TMEM161B: variants seen among roughly 807,000 people sequenced by gnomAD.
TMEM161B encodes transmembrane protein 161B.
TMEM161B carries 34 observed loss-of-function variants against 61.8 expected under a neutral mutation model. The observed-to-expected ratio is 0.55, with a 90% CI of 0.42 to 0.73. TMEM161B has a LOEUF of 0.73. TMEM161B is among the 30% of genes least tolerant of loss of function. TMEM161B has a pLI of 0.00. For missense variants in TMEM161B, 456 were observed against 558.5 expected (o/e 0.82, Z 1.85); for synonymous variants, 167 against 192.8 (o/e 0.87, Z 1.11).
At chr5:88,241,872 C>T (rs1412963658) in intron 1 of TMEM161B, among the ~76,000 whole-genome samples, 1 of 151,772 alleles carries the variant, frequency 6.6e-6, no homozygotes, top group Non-Finnish European at 1.5e-5. Flanking sequence ...AACCCTCTCA[C>T]TTCCCACCAA....
At position 88,207,290 on chromosome 5, in the gene TMEM161B, A is replaced by G. The variant is rs116468438; in HGVS notation, c.447-110T>C. On this transcript the variant is annotated intron_variant, in intron 5 of 11. Transcript: ENST00000296595. ...AATTTGACTACAACATTTATTTCCA[A>G]GTGGAGTTTAAAACACTTTTAAATT... 1,389 of 1,075,798 alleles carry G rather than the reference A, an allele frequency of 1.3e-3. 21 individuals are homozygous for G. In the African/African-American group the frequency reaches 0.021, roughly 16 times the overall value. The allele number at this position is 1,075,798 out of a possible 1,614,324, so 66.6% of individuals were successfully genotyped here.
intron 1 of TMEM161B, among the ~76,000 whole-genome samples, chr5:88,253,649 T>A (rs1754625829): frequency 1.3e-5 from 2 of 152,118 alleles, no homozygotes; most frequent in Non-Finnish European, 2.9e-5. Context: ...AGCCTGGAAG[T>A]AACCAAATCA....
At chr5:88,214,911 G>T (rs1014917640) in intron 5 of TMEM161B, among the ~76,000 whole-genome samples, 6 of 152,206 alleles carry the variant, frequency 3.9e-5, no homozygotes, top group African/African-American at 1.2e-4. Flanking sequence ...GACAAGAGAA[G>T]ACTCAGTTCT....
downstream of TMEM161B, chr5:88,190,370 T>G: frequency 1.5e-6 from 1 of 657,104 alleles, no homozygotes; most frequent in Non-Finnish European, 2.8e-6. Context: ...CCTAGATGGG[T>G]GGTTTCATGC....
At chr5:88,185,832 CA>C (rs1220046773), downstream of TMEM161B, among the ~76,000 whole-genome samples, 1 of 152,140 alleles carries the variant, frequency 6.6e-6, no homozygotes, top group African/African-American at 2.4e-5. Context: ...AACAGAGCAA[CA>C]ATGAGTTGTG....
intron 5 of TMEM161B, among the ~76,000 whole-genome samples, chr5:88,208,984 T>G (rs1746148952): frequency 6.6e-6 from 1 of 152,230 alleles, no homozygotes; most frequent in Non-Finnish European, 1.5e-5. Context: ...TACAACATAT[T>G]TAATAATTTT....
intron 5 of TMEM161B, among the ~76,000 whole-genome samples, chr5:88,216,251 A>G (rs530218008): frequency 6.6e-6 from 1 of 152,176 alleles, no homozygotes; most frequent in Non-Finnish European, 1.5e-5. Context: ...GTCTCTGGGG[A>G]AAAAAAAGAA....
At chr5:88,199,235 A>C in intron 9 of TMEM161B, 85 bp from the exon 10 acceptor site, 1 of 1,346,762 alleles carries the variant, frequency 7.4e-7, no homozygotes, top group South Asian at 1.5e-5. Flanking sequence ...ACCATATAAG[A>C]TATAAGAAGT....
chr5:88,253,918 G>C (rs1193337558), intron 1 of TMEM161B, among the ~76,000 whole-genome samples: 3 of 151,724 alleles, frequency 2.0e-5, no homozygotes, highest in Non-Finnish European at 4.4e-5. Context: ...ATTATGTAAA[G>C]ATAAAATGGA....
intron 1 of TMEM161B, among the ~76,000 whole-genome samples, chr5:88,256,167 G>A (rs1754961072): frequency 6.6e-6 from 1 of 152,096 alleles, no homozygotes; most frequent in Admixed American, 6.6e-5. Context: ...CAAATTAACA[G>A]TTGTTTATTT....
chr5:88,212,181 T>C (rs567672858), intron 5 of TMEM161B, among the ~76,000 whole-genome samples: 37 of 152,302 alleles, frequency 2.4e-4, no homozygotes, highest in African/African-American at 8.9e-4. Flanking sequence ...AAGAAAAATA[T>C]GGATAACCTA....
intron 3 of TMEM161B, among the ~76,000 whole-genome samples, 179 bp from the exon 4 acceptor site, chr5:88,226,045 T>G (rs1750001654): frequency 6.6e-6 from 1 of 152,200 alleles, no homozygotes; most frequent in African/African-American, 2.4e-5. Flanking sequence ...TACTATAAAA[T>G]CTGAATGTAA....
At chr5:88,233,047 G>A (rs1025719297) in intron 2 of TMEM161B, among the ~76,000 whole-genome samples, 2 of 151,972 alleles carry the variant, frequency 1.3e-5, no homozygotes, top group African/African-American at 4.8e-5. Context: ...ATACTTTTAG[G>A]GTCACTTCTA....
intron 8 of TMEM161B, among the ~76,000 whole-genome samples, chr5:88,203,704 AT>A (rs1212311517): frequency 2.2e-5 from 3 of 134,880 alleles, no homozygotes; most frequent in African/African-American, 8.4e-5. Context: ...CCACATTTTA[AT>A]TTCTTTTTGA....
chr5:88,225,735 G>T (rs758148251), intron 4 of TMEM161B, 34 bp downstream of exon 4: 5 of 1,390,628 alleles, frequency 3.6e-6, no homozygotes, highest in East Asian at 4.6e-5. Flanking sequence ...ATAAAACTGA[G>T]ATTTATAGAA....
intron 1 of TMEM161B, among the ~76,000 whole-genome samples, chr5:88,252,685 G>A (rs571639836): frequency 5.3e-5 from 8 of 152,118 alleles, no homozygotes; most frequent in African/African-American, 1.2e-4. Context: ...AGAAACTCAC[G>A]AAGAAGGCTG....
Position 88,246,305 on chromosome 5 carries a change from C to T in TMEM161B, c.4-5389G>A, listed in dbSNP as rs188354995. 3.0e-4 allele frequency among the ~76,000 whole-genome samples: 45 copies of T among 151,354 alleles called. 1 individual carries two copies. The highest frequency in any genetic ancestry group is 7.5e-4 in the African/African-American group (31 of 41,374). On this transcript the variant is annotated intron_variant, in intron 1 of 11. Coordinates refer to ENST00000296595, the MANE Select transcript of TMEM161B (RefSeq NM_153354.5). ...CTGAAAAAAAAAAGTAACTTTTATACCAATACAGGAATCTAATCTACATAA... is the reference window on the plus strand; with the variant it reads ...CTGAAAAAAAAAAGTAACTTTTATATCAATACAGGAATCTAATCTACATAA...
downstream of TMEM161B, among the ~76,000 whole-genome samples, chr5:88,186,798 G>A (rs1157912206): frequency 2.0e-5 from 3 of 151,988 alleles, no homozygotes; most frequent in African/African-American, 7.3e-5. Context: ...CTGTACTCAG[G>A]AGGCTAAGGC....
chr5:88,257,183 C>G (rs554988159), intron 1 of TMEM161B, among the ~76,000 whole-genome samples: 5 of 152,158 alleles, frequency 3.3e-5, no homozygotes, highest in Admixed American at 3.3e-4. Context: ...GCACGAGAAT[C>G]GCAAGACTGG....
Sources: gnomAD v4.1 joint callset for allele counts (sites outside exome capture counted in the v4.1 genomes callset) on GRCh38, gnomAD v4.1.1 for gene constraint, MANE v1.5 for transcripts, NCBI Gene and HGNC (gene_info 2026-07-23, HGNC 2026-07-21) for gene names.